The following SYCP1 variants were observed in gnomAD, a reference collection of about 807,000 sequenced individuals.
The protein encoded by SYCP1 is cancer/testis antigen 8.
SYCP1 carries 64 observed loss-of-function variants against 153.1 expected under a neutral mutation model. That is an observed-to-expected ratio of 0.42 (90% CI 0.34 to 0.51). The LOEUF (loss-of-function observed/expected upper bound fraction) is 0.51, where lower values mean the gene tolerates loss of function less well. Among genes scored for constraint, SYCP1 ranks in the 20% least tolerant of loss-of-function variants. The pLI, the probability that SYCP1 is intolerant of heterozygous loss-of-function variation, is 0.06. For synonymous variants in SYCP1, 384 were observed against 341.8 expected, an observed-to-expected ratio of 1.12 and a Z score of -1.36; for missense variants, 997 against 1,049.0, an observed-to-expected ratio of 0.95 and a Z score of 0.68.
chr1:114,910,303 C>G, intron 16 of SYCP1, 94 bp from the exon 17 acceptor site: 1 of 779,396 alleles, frequency 1.3e-6, no homozygotes. Context: ...CAGGGGGAAG[C>G]TCATAGTTCT....
chr1:114,951,667 T>G (rs1671115142), intron 27 of SYCP1, among the ~76,000 whole-genome samples: 1 of 152,170 alleles, frequency 6.6e-6, no homozygotes, highest in Admixed American at 6.5e-5. Context: ...CTTTATTAAG[T>G]TTCCCCCCAT....
intron 15 of SYCP1, among the ~76,000 whole-genome samples, chr1:114,890,153 T>C (rs1335181418): frequency 6.6e-6 from 1 of 152,076 alleles, no homozygotes; most frequent in Non-Finnish European, 1.5e-5. Flanking sequence ...TGTAGGAATG[T>C]ATAGAAGTAA....
intron 16 of SYCP1, among the ~76,000 whole-genome samples, chr1:114,899,176 G>A (rs889158941): frequency 3.9e-5 from 6 of 152,202 alleles, no homozygotes; most frequent in Admixed American, 3.9e-4. Flanking sequence ...CAACTATATT[G>A]CCGTAAGTTA....
Position 114,923,530 on chromosome 1 carries a change from T to G in SYCP1, c.1800T>G (p.Asn600Lys). 6.3e-7 allele frequency: 1 copy of G among 1,580,292 alleles called. No individual in the cohort carries two copies. The highest frequency in any genetic ancestry group is 8.6e-7 in the Non-Finnish European group (1 of 1,159,702). ...GTAAATTGGACAAGAGTGAAGAAAATGTATGTTATATTTAATAATGGATCG... is the reference window on the plus strand; with the variant it reads ...GTAAATTGGACAAGAGTGAAGAAAAGGTATGTTATATTTAATAATGGATCG... ...VKCKLDKSEE[N>K]CNNLRKQVEN... is the part of the protein sequence containing the mutation. Residue 600 changes from asparagine to lysine, a missense_variant and splice_region_variant, in exon 21 of 32, where the codon AAT (asparagine) becomes AAG (lysine). Around this residue, in one of 2 missense-constraint regions of SYCP1, gnomAD observed 712 missense variants for 682.9 expected, o/e 1.04. Transcript: ENST00000369522.
chr1:114,903,677 A>G (rs2101636903), intron 16 of SYCP1, among the ~76,000 whole-genome samples: 1 of 152,306 alleles, frequency 6.6e-6, no homozygotes, highest in African/African-American at 2.4e-5. Context: ...TTTGCATTTC[A>G]AAAAGCACAT....
intron 16 of SYCP1, among the ~76,000 whole-genome samples, chr1:114,897,651 A>G (rs1438509263): frequency 6.6e-6 from 1 of 152,114 alleles, no homozygotes; most frequent in African/African-American, 2.4e-5. Flanking sequence ...AAGAGAGGAG[A>G]TAGGAGGAAA....
intron 13 of SYCP1, among the ~76,000 whole-genome samples, chr1:114,885,917 C>G (rs1376708923): frequency 6.6e-6 from 1 of 151,898 alleles, no homozygotes; most frequent in Admixed American, 6.6e-5. Flanking sequence ...TAGGAAGGCT[C>G]CATGGAGGAG....
intron 21 of SYCP1, chr1:114,923,780 C>T (rs563038029): frequency 8.5e-6 from 2 of 234,436 alleles, no homozygotes; most frequent in African/African-American, 4.5e-5. Context: ...GTAGACTTAA[C>T]ATTTTTTAGG....
chr1:114,857,136 C>CA (rs71582509), intron 3 of SYCP1, 96 bp from the exon 4 acceptor site: 32,304 of 242,862 alleles, frequency 0.13, 774 homozygotes, highest in Middle Eastern at 0.15. Context: ...CTCTCTCTCT[C>CA]AAAAAAAAAA....
chr1:114,966,893 T>C (rs1295670060), intron 27 of SYCP1, among the ~76,000 whole-genome samples: 1 of 152,000 alleles, frequency 6.6e-6, no homozygotes, highest in Non-Finnish European at 1.5e-5. Context: ...CCATGTTGGC[T>C]AGGCTGTTGT....
At chr1:114,899,940 G>A (rs993820028) in intron 16 of SYCP1, among the ~76,000 whole-genome samples, 2 of 152,172 alleles carry the variant, frequency 1.3e-5, no homozygotes, top group Non-Finnish European at 2.9e-5. Context: ...AAATATGTTA[G>A]AGGTTGAAAA....
At chr1:114,900,871 C>A (rs1667397638) in intron 16 of SYCP1, among the ~76,000 whole-genome samples, 1 of 152,234 alleles carries the variant, frequency 6.6e-6, no homozygotes, top group African/African-American at 2.4e-5. Context: ...ACAAACCTTG[C>A]ATCTGACCTG....
At chr1:114,947,389 T>C (rs1010669134) in intron 27 of SYCP1, 69 bp downstream of exon 27, 1 of 1,021,512 alleles carries the variant, frequency 9.8e-7, no homozygotes. Flanking sequence ...TTTAGAATTA[T>C]GTCATATTAT....
chr1:114,918,673 G>C (rs1418162542), intron 20 of SYCP1, among the ~76,000 whole-genome samples: 2 of 151,906 alleles, frequency 1.3e-5, no homozygotes, highest in East Asian at 3.9e-4. Flanking sequence ...TCATTAATCA[G>C]TGTTTTATAG....
At position 114,994,888 on chromosome 1, in the gene SYCP1, T is replaced by TTTTTAATGA; in HGVS notation, c.2800_2801insTTTTAATGA (p.Ser934delinsPheLeuMetThr). On this transcript the variant is annotated protein_altering_variant, in exon 32 of 32. Coordinates refer to ENST00000369522, the MANE Select transcript of SYCP1 (RefSeq NM_003176.4). Reference sequence around the variant, plus strand: ...AATTTTATTTTGTACTCAGGCCCCTTCATCTCTAACAACCCCTGGATCTAC... The same window carrying TTTTTAATGA: ...AATTTTATTTTGTACTCAGGCCCCTTTTTTAATGACATCTCTAACAACCCCTGGATCTAC... 6.8e-7 allele frequency: 1 copy of TTTTTAATGA among 1,479,942 alleles called. No homozygotes were observed. The allele number at this position is 1,479,942 out of a possible 1,614,324, so 91.7% of individuals were successfully genotyped here.
At chr1:114,907,827 C>T (rs188414331) in intron 16 of SYCP1, among the ~76,000 whole-genome samples, 136 of 152,098 alleles carry the variant, frequency 8.9e-4, no homozygotes, top group South Asian at 2.9e-3. Context: ...GTGATCCACC[C>T]GCCTCGGCCT....
intron 3 of SYCP1, among the ~76,000 whole-genome samples, chr1:114,856,993 A>G (rs1664009018): frequency 6.7e-6 from 1 of 148,764 alleles, no homozygotes; most frequent in South Asian, 2.1e-4. Context: ...ACATGGTGGC[A>G]TGCGCCTGCA....
chr1:114,921,464 A>C (rs1183488773), intron 20 of SYCP1, among the ~76,000 whole-genome samples: 1 of 152,036 alleles, frequency 6.6e-6, no homozygotes, highest in East Asian at 1.9e-4. Flanking sequence ...AGATCACCTG[A>C]GGTCAGGAGT....
At position 114,995,105 on chromosome 1, in the gene SYCP1, A is replaced by G; in HGVS notation, c.*86A>G. ...TTCTTATTTGCCAGAGCCAAATTTTATCTGGAAGTTGAGACTTAAAAAATA... is the reference window on the plus strand; with the variant it reads ...TTCTTATTTGCCAGAGCCAAATTTTGTCTGGAAGTTGAGACTTAAAAAATA... On this transcript the variant is annotated 3_prime_UTR_variant, in exon 32 of 32. Transcript: ENST00000369522. 1.5e-6 allele frequency: 2 copies of G among 1,335,360 alleles called. No individual in the cohort carries two copies. Among genetic ancestry groups the G allele is most frequent in the Non-Finnish European group, 2.0e-6 (2 of 1,004,242 alleles). The allele number at this position is 1,335,360 out of a possible 1,614,324, so 82.7% of individuals were successfully genotyped here.
Sources: allele counts gnomAD v4.1 joint callset (sites outside exome capture counted in the v4.1 genomes callset), GRCh38; gene constraint gnomAD v4.1.1; regional missense constraint gnomAD v4.1.1; transcripts MANE v1.5; gene names NCBI Gene and HGNC (gene_info 2026-07-23, HGNC 2026-07-21).